The following CAMK4 variants were observed in gnomAD, a reference collection of about 807,000 sequenced individuals.
CAMK4 encodes the protein calcium/calmodulin dependent protein kinase IV, also known as calcium/calmodulin-dependent protein kinase type IV.
CAMK4 carries 22 observed loss-of-function variants against 44.9 expected under a neutral mutation model. The ratio of observed to expected loss-of-function variants is 0.49; its 90% CI spans 0.35 to 0.70. CAMK4 has a LOEUF of 0.70. CAMK4 is among the 30% of genes least tolerant of loss of function. The pLI is 0.01. For missense variants in CAMK4, 498 were observed against 586.8 expected (o/e 0.85, Z 1.56); for synonymous variants, 218 against 215.4 (o/e 1.01, Z -0.11).
chr5:111,340,044 C>A (rs534826421), intron 1 of CAMK4, among the ~76,000 whole-genome samples: 1 of 150,888 alleles, frequency 6.6e-6, no homozygotes, highest in Non-Finnish European at 1.5e-5. Flanking sequence ...TATAGAGAAA[C>A]CCAACTGATT....
At chr5:111,472,948 C>G (rs1755114152) in intron 7 of CAMK4, among the ~76,000 whole-genome samples, 1 of 152,188 alleles carries the variant, frequency 6.6e-6, no homozygotes. Flanking sequence ...ACTTTTTTCT[C>G]CCTTGTTATG....
rs1388571938 is a variant in CAMK4 at position 111,490,044 on chromosome 5, TATAG to T, written c.*5582_*5585del. 6.6e-6 allele frequency: 1 copy of T among 152,226 alleles called. No individual in the cohort carries two copies. Among genetic ancestry groups the T allele is most frequent in the Non-Finnish European group, 1.5e-5 (1 of 68,036 alleles). The allele number at this position is 152,226 out of a possible 1,614,324, so 9.4% of individuals were successfully genotyped here. A position where few individuals can be genotyped will look rare whatever the true frequency, so the allele number is the denominator to read the frequency against. ...ATTTTGAAGATTGACCTGGAAAACA[TATAG>T]ATACAGAATATATACATTTAATCGT... On this transcript the variant is annotated 3_prime_UTR_variant, in exon 11 of 11. Coordinates refer to ENST00000282356, the MANE Select transcript of CAMK4 (RefSeq NM_001744.6).
intron 1 of CAMK4, among the ~76,000 whole-genome samples, chr5:111,234,178 A>T (rs1288586986): frequency 1.3e-5 from 2 of 152,218 alleles, no homozygotes. Flanking sequence ...TTTATATTTA[A>T]ATAACATTCT....
chr5:111,453,123 T>C (rs1014042704), intron 7 of CAMK4, among the ~76,000 whole-genome samples: 6 of 152,182 alleles, frequency 3.9e-5, no homozygotes, highest in African/African-American at 1.4e-4. Flanking sequence ...ATACATACTC[T>C]TGACCCAAAG....
intron 4 of CAMK4, among the ~76,000 whole-genome samples, chr5:111,384,614 A>G (rs1017963241): frequency 1.3e-5 from 2 of 152,140 alleles, no homozygotes; most frequent in Non-Finnish European, 1.5e-5. Flanking sequence ...TGATTCACCA[A>G]CTAAACTAAT....
At chr5:111,396,497 A>G (rs1752012498) in intron 5 of CAMK4, among the ~76,000 whole-genome samples, 1 of 152,014 alleles carries the variant, frequency 6.6e-6, no homozygotes, top group South Asian at 2.1e-4. Context: ...TATCTTACAT[A>G]GACCTTTCCA....
intron 5 of CAMK4, among the ~76,000 whole-genome samples, chr5:111,416,239 T>C (rs1752809479): frequency 1.3e-5 from 2 of 152,060 alleles, no homozygotes; most frequent in South Asian, 2.1e-4. Flanking sequence ...CAAACTCCCA[T>C]ATACATGCAC....
chr5:111,268,847 G>A (rs1173051140), intron 1 of CAMK4, among the ~76,000 whole-genome samples: 1 of 151,878 alleles, frequency 6.6e-6, no homozygotes, highest in East Asian at 1.9e-4. Flanking sequence ...ATGTATTGTA[G>A]GAAAAATGGG....
chr5:111,374,723 A>C (rs1341126616), intron 2 of CAMK4, 127 bp from the exon 3 acceptor site: 1 of 643,388 alleles, frequency 1.6e-6, no homozygotes, highest in African/African-American at 1.8e-5. Context: ...AAGGAGACAC[A>C]CAAAAGCTAA....
At chr5:111,461,400 A>G (rs25923) in intron 7 of CAMK4, among the ~76,000 whole-genome samples, 40,763 of 152,020 alleles carry the variant, frequency 0.27, 5,929 homozygotes, top group Non-Finnish European at 0.33. Flanking sequence ...GAACTGGGGC[A>G]TTATCTTTTT....
intron 5 of CAMK4, among the ~76,000 whole-genome samples, chr5:111,404,067 C>T (rs901960631): frequency 6.6e-6 from 1 of 152,156 alleles, no homozygotes; most frequent in African/African-American, 2.4e-5. Context: ...AGCCTATTAG[C>T]AGGCATTTTG....
chr5:111,410,087 C>T (rs945465331), intron 5 of CAMK4, among the ~76,000 whole-genome samples: 1 of 152,182 alleles, frequency 6.6e-6, no homozygotes, highest in Non-Finnish European at 1.5e-5. Context: ...GTCACTTCCA[C>T]ATTTTTGGGT....
In CAMK4 at chr5:111,484,430, A is replaced by G; in HGVS notation, c.1386A>G (p.Glu462=). Residue 462 remains glutamate (E), a synonymous_variant, in exon 11 of 11, where the codon GAA becomes GAG. Transcript: ENST00000282356. The surrounding 1 kb of genome is among the most constrained non-coding windows in gnomAD (Gnocchi z 5.3). ...AAGGAAGCTCTGCTGTGGGTTTTGAAGTTCCACAGCAAGATGTGATCCTGC... is the reference window on the plus strand; with the variant it reads ...AAGGAAGCTCTGCTGTGGGTTTTGAGGTTCCACAGCAAGATGTGATCCTGC... ...EGQGSSAVGF[E]VPQQDVILPE... 6.5e-7 allele frequency: 1 copy of G among 1,532,588 alleles called. No homozygotes were observed. The highest frequency in any genetic ancestry group is 8.8e-7 in the Non-Finnish European group (1 of 1,141,916). The allele number at this position is 1,532,588 out of a possible 1,614,324, so 94.9% of individuals were successfully genotyped here.
At chr5:111,462,458 A>G (rs948825302) in intron 7 of CAMK4, among the ~76,000 whole-genome samples, 1 of 152,142 alleles carries the variant, frequency 6.6e-6, no homozygotes, top group Non-Finnish European at 1.5e-5. Context: ...TTGGCCCATC[A>G]CACAGCAGGT....
chr5:111,472,504 A>G (rs569329797), intron 7 of CAMK4, among the ~76,000 whole-genome samples: 93 of 152,274 alleles, frequency 6.1e-4, no homozygotes, highest in Non-Finnish European at 8.4e-4. Flanking sequence ...CAAACAAATA[A>G]CACCCTTAGT....
chr5:111,425,092 G>T (rs1364795677), intron 5 of CAMK4, among the ~76,000 whole-genome samples: 1 of 151,194 alleles, frequency 6.6e-6, no homozygotes, highest in African/African-American at 2.4e-5. Flanking sequence ...GAATTCAGGA[G>T]GTGGAGGTTT....
At chr5:111,425,874 A>G (rs984396477) in intron 5 of CAMK4, among the ~76,000 whole-genome samples, 1 of 152,222 alleles carries the variant, frequency 6.6e-6, no homozygotes, top group Non-Finnish European at 1.5e-5. Flanking sequence ...TTTGAAATGT[A>G]TCACGAGTTC....
chr5:111,240,896 C>G (rs1450980626), intron 1 of CAMK4, among the ~76,000 whole-genome samples: 1 of 152,134 alleles, frequency 6.6e-6, no homozygotes, highest in Non-Finnish European at 1.5e-5. Flanking sequence ...CCAGTGGCAA[C>G]GATGGTGGTA....
At chr5:111,375,358 T>G (rs896473392) in intron 3 of CAMK4, among the ~76,000 whole-genome samples, 6 of 152,128 alleles carry the variant, frequency 3.9e-5, no homozygotes, top group Non-Finnish European at 5.9e-5. Flanking sequence ...ATGATGTACT[T>G]GAATGCAGAA....
Sources: allele counts gnomAD v4.1 joint callset (sites outside exome capture counted in the v4.1 genomes callset), GRCh38; gene constraint gnomAD v4.1.1; non-coding constraint Gnocchi (gnomAD v3.1); transcripts MANE v1.5; gene names NCBI Gene and HGNC (gene_info 2026-07-23, HGNC 2026-07-21).